ATP10B: variants seen among roughly 807,000 people sequenced by gnomAD.
ATP10B encodes ATPase phospholipid transporting 10B (putative).
A neutral mutation model predicts 141.2 loss-of-function variants in ATP10B; 122 were observed. The ratio of observed to expected loss-of-function variants is 0.86; its 90% CI spans 0.75 to 1.00. The LOEUF is 1.00. ATP10B is among the 50% of genes least tolerant of loss of function. The pLI is 0.00. For synonymous variants in ATP10B, 685 were observed against 692.0 expected (o/e 0.99, Z 0.16); for missense variants, 1,876 against 1,825.3 (o/e 1.03, Z -0.51).
At chr5:160,568,930 G>A (rs1016898564) in intron 25 of ATP10B, among the ~76,000 whole-genome samples, 3 of 152,180 alleles carry the variant, frequency 2.0e-5, no homozygotes, top group African/African-American at 7.2e-5. Flanking sequence ...GGTCTTGTAT[G>A]GAAGGTGTGT....
At chr5:160,567,897 A>AAT (rs1754642385) in intron 25 of ATP10B, among the ~76,000 whole-genome samples, 1 of 152,192 alleles carries the variant, frequency 6.6e-6, no homozygotes, top group South Asian at 2.1e-4. Context: ...GTGAAAGGGT[A>AAT]ATAGTCTATT....
chr5:160,581,354 G>T (rs904548311), intron 24 of ATP10B, among the ~76,000 whole-genome samples: 2 of 152,052 alleles, frequency 1.3e-5, no homozygotes, highest in Non-Finnish European at 2.9e-5. Context: ...TTGTGTCTTC[G>T]TTCTCACTGG....
chr5:160,715,962 G>GA (rs1223212175), intron 3 of ATP10B, among the ~76,000 whole-genome samples: 3 of 152,020 alleles, frequency 2.0e-5, no homozygotes, highest in African/African-American at 7.2e-5. Context: ...ACTCTCCTGG[G>GA]CCTCCCAAAG....
In ATP10B at chr5:160,815,810, G is replaced by A. The variant is rs76151008; in HGVS notation, c.-575-30007C>T. 1.2e-4 allele frequency among the ~76,000 whole-genome samples: 19 copies of A among 152,276 alleles called. No individual in the cohort carries two copies. The Middle Eastern group carries it at 0.014, about 109-fold the overall frequency. On this transcript the variant is annotated intron_variant, in intron 1 of 25. Transcript: ENST00000327245. ...AAAAGAACAGAAATTATAACAAACT[G>A]TCTCTCAGACCACAGTGCAATCAAA...
chr5:160,926,740 CTGAG>C, the ATP10B span, among the ~76,000 whole-genome samples: 1 of 152,232 alleles, frequency 6.6e-6, no homozygotes, highest in African/African-American at 2.4e-5. Flanking sequence ...AGCAAATAGG[CTGAG>C]TGTTAATTAA....
At chr5:160,583,973 G>C (rs1755716635) in intron 24 of ATP10B, among the ~76,000 whole-genome samples, 1 of 152,148 alleles carries the variant, frequency 6.6e-6, no homozygotes, top group African/African-American at 2.4e-5. Flanking sequence ...GCTCCATGGG[G>C]GTGGGATCTG....
chr5:160,635,720 T>C (rs1447662812), intron 11 of ATP10B, among the ~76,000 whole-genome samples: 3 of 152,230 alleles, frequency 2.0e-5, no homozygotes, highest in Non-Finnish European at 4.4e-5. Flanking sequence ...ACTTTTTTCT[T>C]CTGTCCTATA....
At chr5:160,808,391 T>G (rs1006802071) in intron 1 of ATP10B, among the ~76,000 whole-genome samples, 1 of 152,208 alleles carries the variant, frequency 6.6e-6, no homozygotes, top group East Asian at 1.9e-4. Flanking sequence ...CTGAGAGTTA[T>G]CAGAGGATCC....
chr5:160,790,380 A>C (rs1771480628), intron 1 of ATP10B, among the ~76,000 whole-genome samples: 1 of 152,174 alleles, frequency 6.6e-6, no homozygotes, highest in South Asian at 2.1e-4. Context: ...GTTAGAGAGA[A>C]ACCCTCGTCT....
intron 13 of ATP10B, 81 bp from the exon 14 acceptor site, chr5:160,622,666 G>C: frequency 7.7e-7 from 1 of 1,298,062 alleles, no homozygotes; most frequent in Non-Finnish European, 1.1e-6. Context: ...CTGGGGAAAG[G>C]ATGATGCAGC....
At chr5:160,895,748 C>T in the ATP10B span, among the ~76,000 whole-genome samples, 1 of 152,190 alleles carries the variant, frequency 6.6e-6, no homozygotes, top group African/African-American at 2.4e-5. Context: ...AATATACATT[C>T]TTCTCAGCAC....
At chr5:160,767,645 C>CCCG (rs1021666988) in intron 2 of ATP10B, among the ~76,000 whole-genome samples, 13 of 134,038 alleles carry the variant, frequency 9.7e-5, no homozygotes, top group African/African-American at 3.4e-4. Context: ...ACCCCCCCCC[C>CCCG]CAAAATAACA....
At chr5:160,636,125 T>C in intron 11 of ATP10B, 57 bp downstream of exon 11, 1 of 1,530,888 alleles carries the variant, frequency 6.5e-7, no homozygotes, top group Non-Finnish European at 8.8e-7. Flanking sequence ...TTTTACAAAG[T>C]TGTAGGAGTT....
the ATP10B span, among the ~76,000 whole-genome samples, chr5:160,894,095 G>A: frequency 2.6e-5 from 4 of 152,222 alleles, no homozygotes; most frequent in African/African-American, 7.2e-5. Context: ...AGAAAAACCA[G>A]CACAAAAAGG....
intron 21 of ATP10B, 119 bp downstream of exon 21, chr5:160,602,458 C>A (rs1043456883): frequency 9.4e-5 from 127 of 1,354,880 alleles, no homozygotes; most frequent in Non-Finnish European, 1.2e-4. Context: ...AGATCTAACA[C>A]TATGCCAGCC....
chr5:160,598,887 G>A lies in ATP10B; in HGVS notation c.3447C>T (p.Phe1149=), dbSNP rs772883953. The change falls in exon 22 of 26, where the codon TTC becomes TTT. Residue 1149 remains phenylalanine, a synonymous_variant. Coordinates refer to ENST00000327245, the MANE Select transcript of ATP10B (RefSeq NM_025153.3). ...STMIDYWQMI[F]FNLFFTSLPP... ...GCAAGGAGGTAAAGAAGAGATTGAA[G>A]AATATCATCTGCCAGTAATCAATCA... The A allele has an allele frequency of 6.2e-7, 1 of 1,614,044 alleles. No homozygotes were observed. The highest frequency in any genetic ancestry group is 1.3e-5 in the African/African-American group (1 of 74,928).
intron 1 of ATP10B, among the ~76,000 whole-genome samples, chr5:160,836,701 A>G (rs1419138618): frequency 2.0e-5 from 3 of 152,134 alleles, no homozygotes; most frequent in Non-Finnish European, 4.4e-5. Flanking sequence ...AGGGTTTCAT[A>G]CATTTGGTCC....
intron 24 of ATP10B, among the ~76,000 whole-genome samples, chr5:160,572,110 C>T (rs574378675): frequency 9.2e-5 from 14 of 151,998 alleles, no homozygotes; most frequent in Non-Finnish European, 1.3e-4. Flanking sequence ...AGCATTGGCT[C>T]AATTTGTTTC....
At chr5:160,644,324 G>A in intron 8 of ATP10B, 80 bp from the exon 9 acceptor site, 1 of 960,882 alleles carries the variant, frequency 1.0e-6, no homozygotes, top group Non-Finnish European at 1.7e-6. Flanking sequence ...AGAACTAGAA[G>A]TGGTGAGTGA....
Sources: allele counts gnomAD v4.1 joint callset (sites outside exome capture counted in the v4.1 genomes callset), GRCh38; gene constraint gnomAD v4.1.1; transcripts MANE v1.5; gene names NCBI Gene and HGNC (gene_info 2026-07-23, HGNC 2026-07-21).